The following ANKS1B variants were observed in gnomAD, a reference collection of about 807,000 sequenced individuals.
ANKS1B encodes the protein ankyrin repeat and sterile alpha motif domain containing 1B.
Under a neutral mutation model 148.3 loss-of-function variants are expected in ANKS1B, and 36 were observed. The ratio of observed to expected loss-of-function variants is 0.24; its 90% CI spans 0.19 to 0.32. The LOEUF (loss-of-function observed/expected upper bound fraction) is 0.32, where lower values mean the gene tolerates loss of function less well. ANKS1B is among the 10% of genes least tolerant of loss of function. The pLI, the probability that ANKS1B is intolerant of heterozygous loss-of-function variation, is 1.00. For missense variants in ANKS1B, 1,157 were observed against 1,542.6 expected (o/e 0.75, Z 4.19); for synonymous variants, 542 against 560.8 (o/e 0.97, Z 0.47).
At chr12:99,811,337 C>T (rs530234592) in intron 3 of ANKS1B, among the ~76,000 whole-genome samples, 38 of 151,852 alleles carry the variant, frequency 2.5e-4, no homozygotes, top group Non-Finnish European at 4.3e-4. Context: ...CAACTGCCAA[C>T]CTGCAGCTTA....
intron 12 of ANKS1B, among the ~76,000 whole-genome samples, chr12:99,386,963 T>C (rs1336713701): frequency 6.6e-6 from 1 of 152,244 alleles, no homozygotes; most frequent in Non-Finnish European, 1.5e-5. Flanking sequence ...AGTGATTCAA[T>C]AATTTGCCAT....
intron 24 of ANKS1B, among the ~76,000 whole-genome samples, chr12:98,775,752 C>G (rs1385727820): frequency 2.0e-5 from 3 of 151,998 alleles, no homozygotes; most frequent in Non-Finnish European, 2.9e-5. Context: ...GTGCCTGGCC[C>G]AGCCCTCCTG....
At chr12:99,671,734 AACTG>A (rs1392930182) in intron 8 of ANKS1B, among the ~76,000 whole-genome samples, 1 of 152,170 alleles carries the variant, frequency 6.6e-6, no homozygotes, top group African/African-American at 2.4e-5. Flanking sequence ...AGTCTGTTAG[AACTG>A]ACTAACTCTA....
At chr12:99,380,049 C>T (rs150742200) in intron 12 of ANKS1B, among the ~76,000 whole-genome samples, 368 of 152,282 alleles carry the variant, frequency 2.4e-3, no homozygotes, top group African/African-American at 7.8e-3. Flanking sequence ...TGAGGCACTT[C>T]CACTCTTGTT....
intron 17 of ANKS1B, among the ~76,000 whole-genome samples, chr12:98,884,458 C>T (rs1196017448): frequency 1.3e-5 from 2 of 152,204 alleles, no homozygotes; most frequent in African/African-American, 2.4e-5. Flanking sequence ...TCTGTATTTA[C>T]ATTCTCTCTC....
At chr12:99,852,096 G>A (rs1329097692) in intron 1 of ANKS1B, among the ~76,000 whole-genome samples, 1 of 152,180 alleles carries the variant, frequency 6.6e-6, no homozygotes, top group Non-Finnish European at 1.5e-5. Flanking sequence ...AATAATGGTA[G>A]AAGTAATTAA....
intron 17 of ANKS1B, among the ~76,000 whole-genome samples, chr12:98,873,033 C>G (rs2099676151): frequency 6.6e-6 from 1 of 152,170 alleles, no homozygotes; most frequent in Non-Finnish European, 1.5e-5. Flanking sequence ...CTATACTTTC[C>G]TATGAAATGC....
chr12:99,480,802 T>C (rs936244619), intron 10 of ANKS1B, among the ~76,000 whole-genome samples: 3 of 151,860 alleles, frequency 2.0e-5, no homozygotes, highest in Non-Finnish European at 4.4e-5. Context: ...AGTTTTTTCC[T>C]CAAATTTTCT....
At chr12:98,782,807 C>T (rs1014492036) in intron 22 of ANKS1B, among the ~76,000 whole-genome samples, 11 of 152,190 alleles carry the variant, frequency 7.2e-5, no homozygotes, top group African/African-American at 2.7e-4. Flanking sequence ...TCCCTGGATG[C>T]ATCAGTGTTC....
chr12:99,004,089 TC>T (rs1166315669), intron 17 of ANKS1B, among the ~76,000 whole-genome samples: 1 of 152,154 alleles, frequency 6.6e-6, no homozygotes, highest in African/African-American at 2.4e-5. Flanking sequence ...TGGATATAGG[TC>T]CGCCATTCTG....
At chr12:98,988,961 T>C (rs552940003) in intron 17 of ANKS1B, among the ~76,000 whole-genome samples, 9 of 152,284 alleles carry the variant, frequency 5.9e-5, no homozygotes, top group Admixed American at 3.9e-4. Context: ...TGCTGTGTTT[T>C]TGTTTTGCTA....
At chr12:99,285,701 C>T (rs1376013245) in intron 12 of ANKS1B, among the ~76,000 whole-genome samples, 1 of 152,040 alleles carries the variant, frequency 6.6e-6, no homozygotes, top group Non-Finnish European at 1.5e-5. Context: ...CCACCCCTCC[C>T]TCATCCCCTG....
At chr12:99,726,037 G>C (rs889019550) in intron 8 of ANKS1B, among the ~76,000 whole-genome samples, 3 of 152,166 alleles carry the variant, frequency 2.0e-5, no homozygotes, top group African/African-American at 7.2e-5. Flanking sequence ...CAGAAAGCTA[G>C]AAAGATCTCA....
chr12:98,964,618 C>G (rs1214074285), intron 17 of ANKS1B, among the ~76,000 whole-genome samples: 1 of 152,108 alleles, frequency 6.6e-6, no homozygotes, highest in Non-Finnish European at 1.5e-5. Context: ...GAGTGCTATC[C>G]AGCCATAAAA....
At chr12:99,939,252 A>G (rs777373304) in intron 1 of ANKS1B, among the ~76,000 whole-genome samples, 12 of 151,992 alleles carry the variant, frequency 7.9e-5, no homozygotes, top group Non-Finnish European at 1.3e-4. Context: ...GACCACAGCC[A>G]GGTACTTTTC....
chr12:98,781,145 C>A lies in ANKS1B; in HGVS notation c.3413G>T (p.Gly1138Val). The stretch of plus-strand genomic sequence containing the variant: ...ATTTGTTGCATCAATAAATTTGACT[C>A]CTTTATATGAGACAGAAAGAATAAT... ...PTIILSVSYK[G>V]VKFIDATNKN... Residue 1138 changes from glycine (G) to valine (V), a missense_variant, in exon 24 of 27, where the codon GGA (glycine) becomes GTA (valine). By Grantham distance (109) the Gly-to-Val change is moderately radical. Transcript: ENST00000683438. 6.3e-7 allele frequency: 1 copy of A among 1,582,478 alleles called. No homozygotes were observed. Among genetic ancestry groups the A allele is most frequent in the Non-Finnish European group, 8.6e-7 (1 of 1,162,096 alleles).
intron 15 of ANKS1B, among the ~76,000 whole-genome samples, chr12:99,118,939 A>G (rs2062054101): frequency 1.3e-5 from 2 of 152,194 alleles, no homozygotes; most frequent in Non-Finnish European, 2.9e-5. Flanking sequence ...AATAGCAGCA[A>G]AACAGTAACA....
At chr12:99,636,773 T>G (rs1598556040) in intron 9 of ANKS1B, among the ~76,000 whole-genome samples, 1 of 152,120 alleles carries the variant, frequency 6.6e-6, no homozygotes, top group African/African-American at 2.4e-5. Flanking sequence ...AGAAGAACCA[T>G]GAAAACAAAG....
chr12:99,950,487 A>G lies in ANKS1B; in HGVS notation c.134+33617T>C, dbSNP rs112222036. 2.2e-3 allele frequency among the ~76,000 whole-genome samples: 330 copies of G among 152,138 alleles called. 1 individual carries two copies. Among genetic ancestry groups the G allele is most frequent in the African/African-American group, 7.7e-3 (318 of 41,482 alleles). Reference sequence around the variant, plus strand: ...TATTTATATTCGTAGTGTTTGCAACATTATTGTGACTACATAAATATTCTT... The same window carrying G: ...TATTTATATTCGTAGTGTTTGCAACGTTATTGTGACTACATAAATATTCTT... On this transcript the variant is annotated intron_variant, in intron 1 of 26. Coordinates refer to ENST00000683438, the MANE Select transcript of ANKS1B (RefSeq NM_001352186.2).
Sources: gnomAD v4.1 joint callset for allele counts (sites outside exome capture counted in the v4.1 genomes callset) on GRCh38, gnomAD v4.1.1 for gene constraint, MANE v1.5 for transcripts, NCBI Gene and HGNC (gene_info 2026-07-23, HGNC 2026-07-21) for gene names.